SLIT3: variants seen among roughly 807,000 people sequenced by gnomAD.
SLIT3 encodes the protein slit guidance ligand 3.
SLIT3 carries 68 observed loss-of-function variants against 184.0 expected under a neutral mutation model. The ratio of observed to expected loss-of-function variants is 0.37; its 90% CI spans 0.30 to 0.45. SLIT3 has a LOEUF of 0.45. Ranked by LOEUF, SLIT3 falls within the 20% of genes least tolerant of loss-of-function variation. The probability of loss-of-function intolerance (pLI) is 1.00; values close to 1 mark genes in which losing one functional copy is unlikely to be tolerated. For missense variants in SLIT3, 1,707 were observed against 2,026.0 expected, an observed-to-expected ratio of 0.84 and a Z score of 3.02; for synonymous variants, 831 against 828.6, an observed-to-expected ratio of 1.00 and a Z score of -0.05.
chr5:169,222,538 G>A (rs1249191358), intron 3 of SLIT3, among the ~76,000 whole-genome samples: 1 of 152,090 alleles, frequency 6.6e-6, no homozygotes, highest in Non-Finnish European at 1.5e-5. Flanking sequence ...AGATAGTTCA[G>A]GATCTAATCT....
At chr5:169,236,380 T>TA (rs1765200880) in intron 3 of SLIT3, among the ~76,000 whole-genome samples, 1 of 152,202 alleles carries the variant, frequency 6.6e-6, no homozygotes, top group Non-Finnish European at 1.5e-5. Flanking sequence ...AAAATGATTT[T>TA]AAAAATCATC....
At chr5:168,985,420 G>A (rs975515806) in intron 4 of SLIT3, among the ~76,000 whole-genome samples, 1 of 152,114 alleles carries the variant, frequency 6.6e-6, no homozygotes, top group African/African-American at 2.4e-5. Flanking sequence ...CTTTGCTTCC[G>A]GCAAGGGGAG....
intron 20 of SLIT3, among the ~76,000 whole-genome samples, chr5:168,739,263 T>G (rs928202135): frequency 1.3e-5 from 2 of 152,156 alleles, no homozygotes; most frequent in African/African-American, 4.8e-5. Context: ...GGTAGAGTTA[T>G]GTAACAGAGG....
chr5:169,280,153 CCTT>C (rs1766949128), intron 1 of SLIT3, among the ~76,000 whole-genome samples: 1 of 152,198 alleles, frequency 6.6e-6, no homozygotes, highest in South Asian at 2.1e-4. Flanking sequence ...TCTCCTTGTG[CCTT>C]CATTTGCCAT....
At chr5:168,952,859 G>A (rs913328937) in intron 4 of SLIT3, among the ~76,000 whole-genome samples, 5 of 152,206 alleles carry the variant, frequency 3.3e-5, no homozygotes, top group Non-Finnish European at 5.9e-5. Context: ...GAGAGATTGG[G>A]CTCAACTCTG....
chr5:169,117,487 G>C (rs560898664), intron 4 of SLIT3, among the ~76,000 whole-genome samples: 6 of 151,964 alleles, frequency 3.9e-5, no homozygotes, highest in Admixed American at 1.3e-4. Context: ...GTTTCATTGG[G>C]ACTTGGCTCA....
chr5:169,100,496 A>C (rs1759967708), intron 4 of SLIT3, among the ~76,000 whole-genome samples: 1 of 152,214 alleles, frequency 6.6e-6, no homozygotes, highest in Non-Finnish European at 1.5e-5. Context: ...AGAGTTTCCC[A>C]GAATAAAGGC....
At chr5:168,786,977 G>T (rs1756177896) in intron 11 of SLIT3, among the ~76,000 whole-genome samples, 1 of 152,232 alleles carries the variant, frequency 6.6e-6, no homozygotes, top group East Asian at 1.9e-4. Context: ...CACTCGGATC[G>T]CAATCCAGGC....
chr5:169,173,650 G>A (rs1762883082), intron 4 of SLIT3, among the ~76,000 whole-genome samples: 1 of 152,198 alleles, frequency 6.6e-6, no homozygotes, highest in African/African-American at 2.4e-5. Context: ...CTCCTCTGTA[G>A]CTCCCTTAGG....
chr5:169,008,916 A>T (rs1344746953), intron 4 of SLIT3, among the ~76,000 whole-genome samples: 1 of 152,172 alleles, frequency 6.6e-6, no homozygotes, highest in East Asian at 1.9e-4. Context: ...CAACTACCTC[A>T]TGATGAATGT....
chr5:168,734,102 T>C (rs1373713164), intron 20 of SLIT3, among the ~76,000 whole-genome samples: 2 of 152,174 alleles, frequency 1.3e-5, no homozygotes, highest in Non-Finnish European at 2.9e-5. Flanking sequence ...GGGTGATGGG[T>C]ACACTAAAAG....
At chr5:168,703,892 C>CCGAGATTA (rs1762294993) in intron 26 of SLIT3, among the ~76,000 whole-genome samples, 1 of 144,210 alleles carries the variant, frequency 6.9e-6, no homozygotes, top group Non-Finnish European at 1.5e-5. Flanking sequence ...TTGCAGTGAG[C>CCGAGATTA]CGAGATTATG....
chr5:169,071,646 G>A (rs923575799), intron 4 of SLIT3, among the ~76,000 whole-genome samples: 7 of 152,158 alleles, frequency 4.6e-5, no homozygotes, highest in African/African-American at 1.7e-4. Context: ...AGTTTTTGTG[G>A]CAGTCCTTTG....
intron 5 of SLIT3, among the ~76,000 whole-genome samples, chr5:168,872,640 C>CTT (rs774066150): frequency 0.11 from 12,022 of 112,214 alleles, 820 homozygotes; most frequent in East Asian, 0.21. Context: ...TCTTCTTCTT[C>CTT]TTTTTTTTTT....
Position 168,680,703 on chromosome 5 carries a change from T to C in SLIT3, c.3686+3263A>G, listed in dbSNP as rs182239241. 3.9e-5 allele frequency among the ~76,000 whole-genome samples: 6 copies of C among 152,298 alleles called. No homozygotes were observed. The East Asian group carries it at 1.2e-3, about 29-fold the overall frequency. On this transcript the variant is annotated intron_variant, in intron 32 of 35. Coordinates refer to ENST00000519560, the MANE Select transcript of SLIT3 (RefSeq NM_003062.4). Reference sequence around the variant, plus strand: ...TGGTCAGCTCAGGCTGTGCCCTCCATTAACCCCAGCCCTCCCACATGGCTT... The same window carrying C: ...TGGTCAGCTCAGGCTGTGCCCTCCACTAACCCCAGCCCTCCCACATGGCTT...
intron 4 of SLIT3, among the ~76,000 whole-genome samples, chr5:168,937,871 T>C (rs1302185100): frequency 2.1e-5 from 3 of 144,876 alleles, no homozygotes; most frequent in Non-Finnish European, 4.4e-5. Context: ...GCAATTATAA[T>C]CATTATGCAT....
At chr5:169,281,538 G>T (rs1189554002) in intron 1 of SLIT3, among the ~76,000 whole-genome samples, 2 of 152,154 alleles carry the variant, frequency 1.3e-5, no homozygotes, top group African/African-American at 4.8e-5. Flanking sequence ...TGTATTTGCG[G>T]TTCCTTTCTT....
chr5:168,891,920 G>C (rs893639600), intron 4 of SLIT3, among the ~76,000 whole-genome samples: 3 of 152,154 alleles, frequency 2.0e-5, no homozygotes, highest in Admixed American at 1.3e-4. Flanking sequence ...AAGCGAGCTG[G>C]GGATGTTATT....
chr5:168,925,044 G>A (rs1483831785), intron 4 of SLIT3, among the ~76,000 whole-genome samples: 3 of 152,166 alleles, frequency 2.0e-5, no homozygotes, highest in African/African-American at 7.2e-5. Context: ...AACTGTGCTA[G>A]GAGTGTTAGC....
Sources: gnomAD v4.1 joint callset for allele counts (sites outside exome capture counted in the v4.1 genomes callset) on GRCh38, gnomAD v4.1.1 for gene constraint, MANE v1.5 for transcripts, NCBI Gene and HGNC (gene_info 2026-07-23, HGNC 2026-07-21) for gene names.